Variants in CRYBG1 observed in about 807,000 individuals in gnomAD.
CRYBG1 encodes the protein beta/gamma crystallin domain-containing protein 1.
In CRYBG1, 139 loss-of-function variants were observed where a neutral mutation model predicts 189.2. The ratio of observed to expected loss-of-function variants is 0.73; its 90% CI spans 0.64 to 0.85. CRYBG1 has a LOEUF of 0.85. Ranked by LOEUF, CRYBG1 falls within the 40% of genes least tolerant of loss-of-function variation. The probability of loss-of-function intolerance (pLI) is 0.00; values close to 1 mark genes in which losing one functional copy is unlikely to be tolerated. For missense variants in CRYBG1, 2,611 were observed against 2,675.8 expected (o/e 0.98, Z 0.53); for synonymous variants, 1,023 against 1,017.1 (o/e 1.01, Z -0.11).
chr6:106,544,006 C>T (rs1447046020), intron 11 of CRYBG1, among the ~76,000 whole-genome samples: 4 of 152,198 alleles, frequency 2.6e-5, no homozygotes, highest in East Asian at 1.9e-4. Flanking sequence ...GAGCCAAGAT[C>T]GCACCATTGC....
chr6:106,558,286 A>G (rs940476032), intron 17 of CRYBG1, among the ~76,000 whole-genome samples, 200 bp from the exon 18 acceptor site: 1 of 151,892 alleles, frequency 6.6e-6, no homozygotes, highest in African/African-American at 2.4e-5. Flanking sequence ...TTCCTATGCA[A>G]TGGAGAAACT....
chr6:106,368,708 G>A (rs915007692), intron 1 of CRYBG1, among the ~76,000 whole-genome samples: 2 of 152,072 alleles, frequency 1.3e-5, no homozygotes, highest in Non-Finnish European at 2.9e-5. Context: ...CTTCTGGATT[G>A]TTCCGTTCAG....
rs57024907 is a variant in CRYBG1, at chr6:106,391,928, C to CGTGT, written c.173+30887_173+30890dup. 6.8e-3 allele frequency among the ~76,000 whole-genome samples: 897 copies of CGTGT among 131,344 alleles called. 7 individuals carry two copies. The highest frequency in any genetic ancestry group is 0.024 in the African/African-American group (797 of 33,850). 86.2% of individuals were successfully genotyped at this position (131,344 alleles called of 152,430 possible). A position where few individuals can be genotyped will look rare whatever the true frequency, so the allele number is the denominator to read the frequency against. ...GTTTCCAAAAGCCTGTTGTTTAAAA[C>CGTGT]GTGTGTGTGTGTGTGTGTGTGTGTG... On this transcript the variant is annotated intron_variant, in intron 1 of 21. Transcript: ENST00000633556.
intron 2 of CRYBG1, among the ~76,000 whole-genome samples, chr6:106,470,347 C>A (rs184640790): frequency 2.2e-3 from 330 of 151,952 alleles, no homozygotes; most frequent in African/African-American, 7.3e-3. Flanking sequence ...AACGAACAAC[C>A]CTCAGCCTAC....
intron 3 of CRYBG1, among the ~76,000 whole-genome samples, chr6:106,516,280 C>G (rs1773417708): frequency 6.6e-6 from 1 of 151,016 alleles, no homozygotes; most frequent in Non-Finnish European, 1.5e-5. Flanking sequence ...GTCGCCCAGG[C>G]TGGAGTGTAG....
At chr6:106,431,582 GA>G (rs796421611) in intron 1 of CRYBG1, among the ~76,000 whole-genome samples, 1 of 151,914 alleles carries the variant, frequency 6.6e-6, no homozygotes, top group Non-Finnish European at 1.5e-5. Flanking sequence ...ACACCAATCT[GA>G]AAAAAAATCA....
In CRYBG1 at chr6:106,520,943, C is replaced by T; in HGVS notation, c.3735C>T (p.Ser1245=). 6.2e-7 allele frequency: 1 copy of T among 1,614,204 alleles called. No homozygotes were observed. Among genetic ancestry groups the T allele is most frequent in the Non-Finnish European group, 8.5e-7 (1 of 1,180,028 alleles). ...TAGAAAAAAGTGCACTTTTCTCAAGCTTGTTATCTTCTTTACCACAAGACA... is the reference window on the plus strand; with the variant it reads ...TAGAAAAAAGTGCACTTTTCTCAAGTTTGTTATCTTCTTTACCACAAGACA... The part of the protein sequence containing the change: ...SRLEKSALFS[S]LLSSLPQDKI... The change falls in exon 4 of 22, where the codon AGC becomes AGT. Residue 1245 remains serine (S), a synonymous_variant. Transcript: ENST00000633556.
intron 1 of CRYBG1, among the ~76,000 whole-genome samples, chr6:106,387,874 C>G (rs1009315626): frequency 6.6e-6 from 1 of 152,170 alleles, no homozygotes; most frequent in Non-Finnish European, 1.5e-5. Context: ...CATCCATGAA[C>G]GTCACTCGTG....
intron 1 of CRYBG1, among the ~76,000 whole-genome samples, chr6:106,399,500 C>T (rs1770678623): frequency 6.6e-6 from 1 of 152,126 alleles, no homozygotes; most frequent in African/African-American, 2.4e-5. Flanking sequence ...ATTTGAACAA[C>T]TTTCTGGATG....
rs139219455 is a variant in CRYBG1 at position 106,398,854 on chromosome 6, G to A, written c.173+37773G>A. 2.7e-4 allele frequency among the ~76,000 whole-genome samples: 41 copies of A among 152,268 alleles called. 1 individual carries two copies. In the East Asian group the frequency reaches 7.9e-3, roughly 29 times the overall value. ...CCTGTTTCTCTCCACCAAAGCCTAA[G>A]TTCCTTAAAGACAAGTGCCATCCTT... On this transcript the variant is annotated intron_variant, in intron 1 of 21. Transcript: ENST00000633556.
intron 16 of CRYBG1, among the ~76,000 whole-genome samples, chr6:106,554,743 T>G (rs1774493338): frequency 6.6e-6 from 1 of 152,206 alleles, no homozygotes. Flanking sequence ...TGTGCATGTT[T>G]AAAATTACCT....
At chr6:106,464,227 GCTCACA>G (rs748490782) in intron 2 of CRYBG1, among the ~76,000 whole-genome samples, 180 of 152,266 alleles carry the variant, frequency 1.2e-3, no homozygotes, top group Non-Finnish European at 1.9e-3. Flanking sequence ...AGGCGCAGTG[GCTCACA>G]CCTGTCATCC....
At chr6:106,494,714 T>C (rs1475289935) in intron 2 of CRYBG1, among the ~76,000 whole-genome samples, 1 of 152,248 alleles carries the variant, frequency 6.6e-6, no homozygotes. Flanking sequence ...TAAATTTAGG[T>C]GTCCATTATT....
Position 106,403,664 on chromosome 6 carries a change from C to T in CRYBG1, c.173+42583C>T, listed in dbSNP as rs778233823. Among the ~76,000 whole-genome samples the T allele has an allele frequency of 8.5e-5, 13 of 152,294 alleles. No homozygotes were observed. In the Middle Eastern group the frequency reaches 0.01, roughly 120 times the overall value. On this transcript the variant is annotated intron_variant, in intron 1 of 21. Coordinates refer to ENST00000633556, the MANE Select transcript of CRYBG1 (RefSeq NM_001371242.2). ...TACTTTTTTATGAACAATGGGTAGC[C>T]TTACTAAGCGTGATGTGCTCCATTA... is the stretch of plus-strand genomic sequence containing the variant.
chr6:106,501,836 T>C (rs1773016820), intron 2 of CRYBG1, among the ~76,000 whole-genome samples: 1 of 152,244 alleles, frequency 6.6e-6, no homozygotes, highest in Non-Finnish European at 1.5e-5. Context: ...TGTATATTAA[T>C]TGGAAAGATA....
intron 2 of CRYBG1, among the ~76,000 whole-genome samples, chr6:106,505,443 G>C (rs1176681309): frequency 1.3e-5 from 2 of 152,006 alleles, no homozygotes; most frequent in Non-Finnish European, 2.9e-5. Context: ...TGGCCAGTCT[G>C]GTCTTGAACT....
chr6:106,477,165 C>G (rs1370095181), intron 2 of CRYBG1, among the ~76,000 whole-genome samples: 1 of 152,056 alleles, frequency 6.6e-6, no homozygotes, highest in Non-Finnish European at 1.5e-5. Flanking sequence ...GGTATTCGTC[C>G]CATTGTAATT....
chr6:106,422,344 A>ATTTATTTATTTTATTTTTTT (rs57640822), intron 1 of CRYBG1, among the ~76,000 whole-genome samples: 18 of 139,928 alleles, frequency 1.3e-4, no homozygotes, highest in Admixed American at 7.3e-4. Context: ...TTATTTATTT[A>ATTTATTTATTTTATTTTTTT]TTTTTGAGAC....
chr6:106,536,697 A>G (rs956268779), intron 8 of CRYBG1, among the ~76,000 whole-genome samples: 1 of 152,232 alleles, frequency 6.6e-6, no homozygotes, highest in Non-Finnish European at 1.5e-5. Flanking sequence ...GTAGGTATAC[A>G]TTTGTTTGTT....
Sources: allele counts gnomAD v4.1 joint callset (sites outside exome capture counted in the v4.1 genomes callset), GRCh38; gene constraint gnomAD v4.1.1; transcripts MANE v1.5; gene names NCBI Gene and HGNC (gene_info 2026-07-23, HGNC 2026-07-21).